Variants in SLC4A10 observed in about 807,000 individuals in gnomAD.
SLC4A10 encodes solute carrier family 4 member 10, also known as sodium-driven chloride bicarbonate exchanger.
In SLC4A10, 42 loss-of-function variants were observed where a neutral mutation model predicts 137.7. The observed-to-expected ratio is 0.30, with a 90% CI of 0.24 to 0.39. The LOEUF (loss-of-function observed/expected upper bound fraction) is 0.39. Among genes scored for constraint, SLC4A10 ranks in the 10% least tolerant of loss-of-function variants. SLC4A10 has a pLI of 1.00. For synonymous variants in SLC4A10, 474 were observed against 464.1 expected (o/e 1.02, Z -0.27); for missense variants, 925 against 1,355.0 (o/e 0.68, Z 4.98).
rs1250173617 is a variant in SLC4A10 at position 161,942,973 on chromosome 2, TA to T, written c.2103+80del. On this transcript the variant is annotated intron_variant, in intron 16 of 26. Transcript: ENST00000446997. ...TTTGACTCAATTATTGCCATTACAG[TA>T]AAATTTTTTTGAATGCATAATATAA... The T allele has an allele frequency of 6.7e-6, 8 of 1,200,984 alleles. No homozygotes were observed. The African/African-American group carries it at 1.2e-4, about 18-fold the overall frequency. 74.4% of individuals were successfully genotyped at this position (1,200,984 alleles called of 1,614,324 possible). A position where few individuals can be genotyped will look rare whatever the true frequency, so the allele number is the denominator to read the frequency against.
chr2:161,759,130 A>G (rs2049976922), intron 1 of SLC4A10, among the ~76,000 whole-genome samples: 1 of 151,814 alleles, frequency 6.6e-6, no homozygotes, highest in Non-Finnish European at 1.5e-5. Context: ...TTCTTTAACA[A>G]GGGTGTCTTG....
chr2:161,627,811 A>C (rs1054547345), intron 1 of SLC4A10, among the ~76,000 whole-genome samples: 1 of 152,122 alleles, frequency 6.6e-6, no homozygotes, highest in East Asian at 1.9e-4. Flanking sequence ...AAAGTGTGTC[A>C]GAAAGATGTG....
chr2:161,745,907 C>T (rs1683566653), intron 1 of SLC4A10, among the ~76,000 whole-genome samples: 1 of 152,120 alleles, frequency 6.6e-6, no homozygotes, highest in Non-Finnish European at 1.5e-5. Flanking sequence ...TTGTTCTCTT[C>T]CCTTACTTTC....
At chr2:161,828,808 A>ATATATATGTG (rs1221709021) in intron 3 of SLC4A10, among the ~76,000 whole-genome samples, 4 of 122,526 alleles carry the variant, frequency 3.3e-5, no homozygotes, top group Non-Finnish European at 5.1e-5. Context: ...ATATATATAT[A>ATATATATGTG]TGTATAATCT....
At position 161,689,095 on chromosome 2, in the gene SLC4A10, G is replaced by T. The variant is rs143255733; in HGVS notation, c.48+64529G>T. ...GCTGTACAATGTGTTTGTATTTTAA[G>T]CTAAATGTTATTACAAATGAATCAA... On this transcript the variant is annotated intron_variant, in intron 1 of 26. Coordinates refer to ENST00000446997, the MANE Select transcript of SLC4A10 (RefSeq NM_001178015.2). 2.0e-5 allele frequency among the ~76,000 whole-genome samples: 3 copies of T among 152,172 alleles called. No individual in the cohort carries two copies. In the East Asian group the frequency reaches 5.8e-4, roughly 29 times the overall value.
intron 2 of SLC4A10, among the ~76,000 whole-genome samples, chr2:161,791,366 A>T (rs1168492586): frequency 6.6e-6 from 1 of 152,200 alleles, no homozygotes; most frequent in Non-Finnish European, 1.5e-5. Flanking sequence ...TAAAGCAGTA[A>T]CAGAAAACTA....
intron 7 of SLC4A10, among the ~76,000 whole-genome samples, chr2:161,872,933 C>T (rs971760028): frequency 1.3e-5 from 2 of 152,080 alleles, no homozygotes; most frequent in South Asian, 2.1e-4. Context: ...AGGCTGGTCT[C>T]GAACTCCTGA....
intron 3 of SLC4A10, among the ~76,000 whole-genome samples, chr2:161,838,882 C>CAAACTG (rs1480281023): frequency 9.9e-5 from 15 of 152,162 alleles, no homozygotes; most frequent in Admixed American, 4.6e-4. Flanking sequence ...AATGGTACAG[C>CAAACTG]CATTCTGGAA....
In SLC4A10 at chr2:161,863,042, C is replaced by T. The variant is rs759282717; in HGVS notation, c.746C>T (p.Pro249Leu). The T allele has an allele frequency of 6.2e-7, 1 of 1,613,618 alleles. No homozygotes were observed. Among genetic ancestry groups the T allele is most frequent in the Non-Finnish European group, 8.5e-7 (1 of 1,179,740 alleles). Residue 249 changes from proline to leucine, a missense_variant, in exon 6 of 27, where the codon CCA (proline) becomes CTA (leucine). Pro to Leu is a moderately conservative substitution (Grantham distance 98). Around this residue, in one of 11 missense-constraint regions of SLC4A10, gnomAD observed 277 missense variants for 306.1 expected, o/e 0.90. Transcript: ENST00000446997. ...GATATTGGCAAGAAACAGTCAGAAC[C>T]AAATTCCATGGACAAAAATGGTAAA... ...FADIGKKQSE[P>L]NSMDKNAGQV...
At chr2:161,947,994 C>T (rs1011801911) in intron 17 of SLC4A10, among the ~76,000 whole-genome samples, 27 of 152,114 alleles carry the variant, frequency 1.8e-4, no homozygotes. Flanking sequence ...CACTGCATTA[C>T]TGATTGTCAC....
chr2:161,925,610 C>T (rs1458568061), intron 15 of SLC4A10, among the ~76,000 whole-genome samples: 1 of 152,074 alleles, frequency 6.6e-6, no homozygotes, highest in East Asian at 1.9e-4. Context: ...AAGGTGTTTG[C>T]TCTTGCTTTT....
At chr2:161,681,939 C>CT (rs2124824763) in intron 1 of SLC4A10, among the ~76,000 whole-genome samples, 1 of 152,196 alleles carries the variant, frequency 6.6e-6, no homozygotes, top group Admixed American at 6.6e-5. Context: ...TTTTTGTCTA[C>CT]TTTTTTTAAA....
chr2:161,873,214 G>A (rs1158509507), intron 7 of SLC4A10, among the ~76,000 whole-genome samples: 2 of 152,142 alleles, frequency 1.3e-5, no homozygotes, highest in African/African-American at 4.8e-5. Context: ...TGACTGTGTT[G>A]AGGGATACAT....
At chr2:161,908,445 G>A (rs1684983664) in intron 15 of SLC4A10, among the ~76,000 whole-genome samples, 1 of 112,430 alleles carries the variant, frequency 8.9e-6, no homozygotes. Flanking sequence ...GTGGGGTGGG[G>A]GGAGGGGGGA....
At chr2:161,816,969 A>T (rs979760348) in intron 3 of SLC4A10, among the ~76,000 whole-genome samples, 1 of 152,130 alleles carries the variant, frequency 6.6e-6, no homozygotes, top group Non-Finnish European at 1.5e-5. Context: ...TGGCAGCATG[A>T]TTTATAGTCC....
At chr2:161,689,801 C>T (rs1172458626) in intron 1 of SLC4A10, among the ~76,000 whole-genome samples, 1 of 152,148 alleles carries the variant, frequency 6.6e-6, no homozygotes, top group East Asian at 1.9e-4. Context: ...ACAGCAGGCT[C>T]TTGGCAAAAT....
At chr2:161,741,675 A>G (rs2047912312) in intron 1 of SLC4A10, among the ~76,000 whole-genome samples, 1 of 152,096 alleles carries the variant, frequency 6.6e-6, no homozygotes. Context: ...AATTTTTTTT[A>G]TTTTTAATTT....
At chr2:161,970,891 C>G (rs1426724211) in intron 23 of SLC4A10, among the ~76,000 whole-genome samples, 1 of 152,226 alleles carries the variant, frequency 6.6e-6, no homozygotes, top group Non-Finnish European at 1.5e-5. Context: ...CGCCTCTACT[C>G]AGCACAGACT....
intron 8 of SLC4A10, among the ~76,000 whole-genome samples, chr2:161,876,084 A>G (rs1033694049): frequency 1.1e-4 from 17 of 152,274 alleles, no homozygotes; most frequent in Admixed American, 1.1e-3. Flanking sequence ...CCACAGATTA[A>G]GTATCAAAGG....
Sources: gnomAD v4.1 joint callset for allele counts (sites outside exome capture counted in the v4.1 genomes callset) on GRCh38, gnomAD v4.1.1 for gene constraint, gnomAD v4.1.1 regional missense constraint, MANE v1.5 for transcripts, NCBI Gene and HGNC (gene_info 2026-07-23, HGNC 2026-07-21) for gene names.